Variants in CAPZA2 observed in about 807,000 individuals in gnomAD.
CAPZA2 encodes the protein F-actin-capping protein subunit alpha-2.
In CAPZA2, 13 loss-of-function variants were observed where a neutral mutation model predicts 44.0. That is an observed-to-expected ratio of 0.30 (90% CI 0.19 to 0.47). The LOEUF is 0.47. Among genes scored for constraint, CAPZA2 ranks in the 20% least tolerant of loss-of-function variants. CAPZA2 has a pLI of 1.00. For synonymous variants in CAPZA2, 94 were observed against 108.2 expected (o/e 0.87, Z 0.81); for missense variants, 244 against 338.6 (o/e 0.72, Z 2.19).
chr7:116,892,430 A>G (rs1796858762), intron 2 of CAPZA2, among the ~76,000 whole-genome samples: 1 of 152,158 alleles, frequency 6.6e-6, no homozygotes, highest in Non-Finnish European at 1.5e-5. Context: ...TTCAATAAAA[A>G]TGCTATTTTT....
At chr7:116,903,609 ATTAT>A (rs1456682716) in intron 4 of CAPZA2, among the ~76,000 whole-genome samples, 2 of 152,184 alleles carry the variant, frequency 1.3e-5, no homozygotes, top group East Asian at 3.8e-4. Context: ...TTGTGGATGT[ATTAT>A]TTAAATTTAT....
chr7:116,863,153 TC>T (rs1181250185), intron 1 of CAPZA2, among the ~76,000 whole-genome samples: 1 of 152,216 alleles, frequency 6.6e-6, no homozygotes, highest in East Asian at 1.9e-4. Context: ...ACTTCTCCCT[TC>T]TACTTCCCCC....
At chr7:116,903,233 A>AGTGTGTGTGTGTGTGTGT (rs71148342) in intron 4 of CAPZA2, among the ~76,000 whole-genome samples, 1 of 146,340 alleles carries the variant, frequency 6.8e-6, no homozygotes, top group African/African-American at 2.5e-5. Flanking sequence ...TGCAGAGAAG[A>AGTGTGTGTGTGTGTGTGT]GTGTGTGTGT....
intron 7 of CAPZA2, 69 bp from the exon 8 acceptor site, chr7:116,912,000 T>G: frequency 6.3e-7 from 1 of 1,597,714 alleles, no homozygotes; most frequent in Non-Finnish European, 8.5e-7. Context: ...TGCATTGATA[T>G]GCTTGTTGAC....
intron 1 of CAPZA2, among the ~76,000 whole-genome samples, chr7:116,878,124 A>G (rs1796644039): frequency 6.6e-6 from 1 of 152,226 alleles, no homozygotes; most frequent in African/African-American, 2.4e-5. Context: ...AGGCATTTTG[A>G]TGGAGATCTC....
intron 5 of CAPZA2, among the ~76,000 whole-genome samples, chr7:116,905,002 C>T (rs7458901): frequency 3.0e-5 from 4 of 131,316 alleles, no homozygotes; most frequent in African/African-American, 8.8e-5. Flanking sequence ...ATTAGCCGGG[C>T]GTGGTAGCAC....
chr7:116,871,434 G>T (rs544135360), intron 1 of CAPZA2, among the ~76,000 whole-genome samples: 1 of 152,312 alleles, frequency 6.6e-6, no homozygotes, highest in Admixed American at 6.5e-5. Context: ...TCTATTAATT[G>T]TCAGAATAAC....
chr7:116,895,584 C>A (rs1796914288), intron 3 of CAPZA2, among the ~76,000 whole-genome samples: 1 of 151,822 alleles, frequency 6.6e-6, no homozygotes, highest in Non-Finnish European at 1.5e-5. Context: ...TATAGTATGA[C>A]CCTCAGAAAA....
intron 2 of CAPZA2, 150 bp from the exon 3 acceptor site, chr7:116,892,844 T>G: frequency 2.3e-6 from 1 of 425,960 alleles, no homozygotes; most frequent in Non-Finnish European, 4.2e-6. Context: ...AATACTATGT[T>G]GTGTGTTTGG....
At position 116,865,456 on chromosome 7, in the gene CAPZA2, G is replaced by A. The variant is rs180867933; in HGVS notation, c.39+2806G>A. 7.2e-3 allele frequency among the ~76,000 whole-genome samples: 1,103 copies of A among 152,208 alleles called. 13 individuals are homozygous for A. Among genetic ancestry groups the A allele is most frequent in the African/African-American group, 0.025 (1,044 of 41,532 alleles). ...CCCCCTCGGCCTCCCAAAGTGCTGG[G>A]ATTACAGGCGTGAGCCACCATGCCC... On this transcript the variant is annotated intron_variant, in intron 1 of 9. Coordinates refer to ENST00000361183, the MANE Select transcript of CAPZA2 (RefSeq NM_006136.3).
At chr7:116,904,119 T>C (rs1185220672) in intron 4 of CAPZA2, 58 bp from the exon 5 acceptor site, 1 of 970,922 alleles carries the variant, frequency 1.0e-6, no homozygotes, top group Non-Finnish European at 1.6e-6. Context: ...AATTATGATG[T>C]ATCAATATTG....
At chr7:116,881,019 T>G (rs1407884598) in intron 1 of CAPZA2, among the ~76,000 whole-genome samples, 2 of 152,004 alleles carry the variant, frequency 1.3e-5, no homozygotes, top group African/African-American at 4.8e-5. Flanking sequence ...TGGAAAGTCT[T>G]TAAAGTCAGT....
intron 6 of CAPZA2, chr7:116,906,602 G>A (rs936542960): frequency 2.6e-6 from 1 of 384,656 alleles, no homozygotes; most frequent in Non-Finnish European, 4.3e-6. Flanking sequence ...GTGTGCCTGC[G>A]AGAACACCAG....
intron 3 of CAPZA2, among the ~76,000 whole-genome samples, chr7:116,894,869 G>A (rs991301872): frequency 2.0e-5 from 3 of 152,146 alleles, no homozygotes; most frequent in Admixed American, 6.5e-5. Flanking sequence ...TGTTGTATCT[G>A]TATAGCACAT....
chr7:116,862,693 C>T (rs1327805727), intron 1 of CAPZA2, 43 bp downstream of exon 1: 1 of 1,507,166 alleles, frequency 6.6e-7, no homozygotes. Context: ...CAGGAGCCGG[C>T]TCAGCCCGGG....
intron 1 of CAPZA2, among the ~76,000 whole-genome samples, chr7:116,863,027 G>A (rs929863419): frequency 1.3e-5 from 2 of 152,098 alleles, no homozygotes; most frequent in African/African-American, 4.8e-5. Context: ...GGGACGCAAA[G>A]GGGTTTGCGT....
At chr7:116,878,208 G>A (rs991881424) in intron 1 of CAPZA2, among the ~76,000 whole-genome samples, 3 of 152,198 alleles carry the variant, frequency 2.0e-5, no homozygotes, top group Non-Finnish European at 4.4e-5. Context: ...GTGTACATTT[G>A]AGAGTTACTG....
chr7:116,884,046 G>GAAGGGGATGGGGCAGA (rs1796731769), intron 1 of CAPZA2, among the ~76,000 whole-genome samples: 1 of 152,066 alleles, frequency 6.6e-6, no homozygotes, highest in Non-Finnish European at 1.5e-5. Context: ...CTCTCAATAG[G>GAAGGGGATGGGGCAGA]AAGGGGATGG....
At chr7:116,917,594 G>T in intron 9 of CAPZA2, 133 bp from the exon 10 acceptor site, 2 of 702,398 alleles carry the variant, frequency 2.8e-6, no homozygotes, top group South Asian at 1.7e-5. Flanking sequence ...AAACAATGTT[G>T]GGATTTTATT....
Sources: gnomAD v4.1 joint callset for allele counts (sites outside exome capture counted in the v4.1 genomes callset) on GRCh38, gnomAD v4.1.1 for gene constraint, MANE v1.5 for transcripts, NCBI Gene and HGNC (gene_info 2026-07-23, HGNC 2026-07-21) for gene names.